Variants in TTYH2 observed in about 807,000 individuals in gnomAD.
TTYH2 encodes the protein tweety family member 2, also known as protein tweety homolog 2.
TTYH2 carries 49 observed loss-of-function variants against 68.3 expected under a neutral mutation model. The observed-to-expected ratio is 0.72, with a 90% CI of 0.57 to 0.91. The LOEUF is 0.91. Ranked by LOEUF, TTYH2 falls within the 40% of genes least tolerant of loss-of-function variation. TTYH2 has a pLI of 0.00. For missense variants in TTYH2, 631 were observed against 700.4 expected (o/e 0.90, Z 1.12); for synonymous variants, 272 against 300.8 (o/e 0.90, Z 0.99).
chr17:74,236,377 G>A (rs1441345209), intron 3 of TTYH2, among the ~76,000 whole-genome samples: 1 of 152,210 alleles, frequency 6.6e-6, no homozygotes, highest in Non-Finnish European at 1.5e-5. Flanking sequence ...GGGGATACAA[G>A]GTCAAGGTAG....
Position 74,232,721 on chromosome 17 carries a change from G to T in TTYH2, c.414+1722G>T, listed in dbSNP as rs529986326. ...ATCACTGGAGGAGGAACCTAGCCCC[G>T]AGAGGAAAATCCCCTGCCCTGCCCA... is the stretch of plus-strand genomic sequence containing the variant. On this transcript the variant is annotated intron_variant, in intron 3 of 13. Transcript: ENST00000269346. The surrounding 1 kb of genome is among the most constrained non-coding windows in gnomAD (Gnocchi z 5.1). Among the ~76,000 whole-genome samples, 26 of 152,282 alleles carry T rather than the reference G, an allele frequency of 1.7e-4. No individual in the cohort carries two copies. In the South Asian group the frequency reaches 5.4e-3, roughly 32 times the overall value.
At chr17:74,246,281 G>A (rs1030829635) in intron 6 of TTYH2, among the ~76,000 whole-genome samples, 2 of 152,090 alleles carry the variant, frequency 1.3e-5, no homozygotes, top group African/African-American at 4.8e-5. Context: ...CCCTGTCTGG[G>A]CCCACATCCT....
At chr17:74,248,687 G>C (rs769825519) in intron 6 of TTYH2, 2 of 1,220,972 alleles carry the variant, frequency 1.6e-6, no homozygotes, top group Non-Finnish European at 1.0e-6. Flanking sequence ...TGTCCCAGAA[G>C]AGGCATTCGG....
rs756488982 is a variant in TTYH2, at chr17:74,222,494, T to C, written c.139T>C (p.Phe47Leu). 57 of 1,609,886 alleles carry C rather than the reference T, an allele frequency of 3.5e-5. No individual in the cohort carries two copies. The East Asian group carries it at 1.2e-3, about 35-fold the overall frequency. ...CTCTGCTCTCTTCCAGTCGCTGCTG[T>C]TCCTGGGGCTGGTGGCCGCCGTCTG... ...GDESYQESLL[F>L]LGLVAAVCLG... The change falls in exon 2 of 14, where the codon TTC becomes CTC. Residue 47 changes from phenylalanine to leucine, a missense_variant. Phe to Leu is a conservative substitution (Grantham distance 22). Coordinates refer to ENST00000269346, the MANE Select transcript of TTYH2 (RefSeq NM_032646.6). This position sits in a 1 kb window ranked among gnomAD's most constrained non-coding sequence, Gnocchi z 5.2.
chr17:74,226,408 G>A (rs550148940), intron 2 of TTYH2, among the ~76,000 whole-genome samples: 4 of 152,272 alleles, frequency 2.6e-5, no homozygotes, highest in Admixed American at 1.3e-4. Context: ...ACTGGGCAGC[G>A]TGTTCCAGGA....
At chr17:74,242,649 T>C (rs2050513388) in intron 4 of TTYH2, among the ~76,000 whole-genome samples, 1 of 152,208 alleles carries the variant, frequency 6.6e-6, no homozygotes, top group African/African-American at 2.4e-5. Flanking sequence ...CGTCTTGGCC[T>C]CCCAAAGTGC....
chr17:74,229,990 G>C (rs546856959), intron 2 of TTYH2, among the ~76,000 whole-genome samples: 1 of 152,290 alleles, frequency 6.6e-6, no homozygotes, highest in African/African-American at 2.4e-5. Flanking sequence ...AATTAGCCAG[G>C]CGTGGTGGCG....
chr17:74,222,478 C>T lies in TTYH2; in HGVS notation c.130-7C>T, dbSNP rs745398228. ...AAGAGTGACAACAGGCCTCTGCTCT[C>T]TTCCAGTCGCTGCTGTTCCTGGGGC... On this transcript the variant is annotated splice_region_variant and splice_polypyrimidine_tract_variant and intron_variant, in intron 1 of 13. Coordinates refer to ENST00000269346, the MANE Select transcript of TTYH2 (RefSeq NM_032646.6). This position sits in a 1 kb window ranked among gnomAD's most constrained non-coding sequence, Gnocchi z 5.2. 1.2e-6 allele frequency: 2 copies of T among 1,606,556 alleles called. No homozygotes were observed. Among genetic ancestry groups the T allele is most frequent in the Admixed American group, 1.7e-5 (1 of 59,804 alleles).
At chr17:74,235,708 A>G (rs1309753724) in intron 3 of TTYH2, among the ~76,000 whole-genome samples, 1 of 152,054 alleles carries the variant, frequency 6.6e-6, no homozygotes, top group Non-Finnish European at 1.5e-5. Flanking sequence ...CCTGGCCAAC[A>G]TGGTGAAACT....
chr17:74,251,446 A>C (rs1436227208), intron 10 of TTYH2, among the ~76,000 whole-genome samples: 1 of 152,010 alleles, frequency 6.6e-6, no homozygotes, highest in African/African-American at 2.4e-5. Context: ...TTGGCACATC[A>C]GGGGCTTGGG....
chr17:74,249,572 G>A (rs918938244), intron 8 of TTYH2, among the ~76,000 whole-genome samples, 173 bp downstream of exon 8: 1 of 152,186 alleles, frequency 6.6e-6, no homozygotes, highest in African/African-American at 2.4e-5. Flanking sequence ...TTCTAGATTG[G>A]TGGTTAACAC....
rs117814823 is a variant in TTYH2 at position 74,224,441 on chromosome 17, C to T, written c.302+1784C>T. On this transcript the variant is annotated intron_variant, in intron 2 of 13. Transcript: ENST00000269346. ...ACATGCACACACACAGATACCCACA[C>T]GACAAACTTGTTTTGGAAGAATACT... Among the ~76,000 whole-genome samples, 53 of 152,210 alleles carry T rather than the reference C, an allele frequency of 3.5e-4. No homozygotes were observed. The East Asian group carries it at 9.3e-3, about 27-fold the overall frequency.
Position 74,213,802 on chromosome 17 carries a change from C to A in TTYH2, c.129+86C>A. The A allele has an allele frequency of 6.6e-7, 1 of 1,505,644 alleles. No individual in the cohort carries two copies. Among genetic ancestry groups the A allele is most frequent in the South Asian group, 1.2e-5 (1 of 81,450 alleles). The allele number at this position is 1,505,644 out of a possible 1,614,324, so 93.3% of individuals were successfully genotyped here. The stretch of plus-strand genomic sequence containing the variant: ...CTCCCCTCGAGAGCCTGCACTTTCC[C>A]ACGTGCCTCTCAGACCCCTTCTCTC... On this transcript the variant is annotated intron_variant, in intron 1 of 13. Transcript: ENST00000269346. The surrounding 1 kb of genome is among the most constrained non-coding windows in gnomAD (Gnocchi z 6.1).
intron 6 of TTYH2, 72 bp downstream of exon 6, chr17:74,244,121 G>A: frequency 6.8e-7 from 1 of 1,462,760 alleles, no homozygotes; most frequent in Non-Finnish European, 9.4e-7. Context: ...TCTCCAAGCA[G>A]GGCCAGCTTC....
At position 74,214,614 on chromosome 17, in the gene TTYH2, C is replaced by A. The variant is rs1285959436; in HGVS notation, c.129+898C>A. ...GGCTCCCCAGACCTCCCTGCCCAGA[C>A]AAACAAAGCTGCAGAATCTCCCAGC... On this transcript the variant is annotated intron_variant, in intron 1 of 13. Transcript: ENST00000269346. This position sits in a 1 kb window ranked among gnomAD's most constrained non-coding sequence, Gnocchi z 4.6. Among the ~76,000 whole-genome samples the A allele has an allele frequency of 6.6e-6, 1 of 152,208 alleles. No homozygotes were observed. Among genetic ancestry groups the A allele is most frequent in the East Asian group, 1.9e-4 (1 of 5,192 alleles).
chr17:74,260,275 C>T lies in TTYH2; in HGVS notation c.*66C>T, dbSNP rs534454677. ...TTTTAATTAGTGCAAATACAAGCTGCGTTTCTTTAATAGAAACCAAAGGCA... is the reference window on the plus strand; with the variant it reads ...TTTTAATTAGTGCAAATACAAGCTGTGTTTCTTTAATAGAAACCAAAGGCA... On this transcript the variant is annotated 3_prime_UTR_variant, in exon 14 of 14. Transcript: ENST00000269346. The T allele has an allele frequency of 2.9e-5, 44 of 1,534,020 alleles. No individual in the cohort carries two copies. The highest frequency in any genetic ancestry group is 2.2e-4 in the African/African-American group (16 of 73,354).
chr17:74,248,723 G>A, intron 6 of TTYH2: 1 of 1,342,490 alleles, frequency 7.4e-7, no homozygotes, highest in Non-Finnish European at 9.6e-7. Context: ...CATGCGCTCT[G>A]CCCCAGTCAC....
chr17:74,259,507 C>T (rs1156234721), intron 13 of TTYH2, among the ~76,000 whole-genome samples: 2 of 152,080 alleles, frequency 1.3e-5, no homozygotes, highest in Admixed American at 6.6e-5. Context: ...GAATCACCAC[C>T]GTTATGTGCA....
intron 1 of TTYH2, among the ~76,000 whole-genome samples, chr17:74,220,273 G>A (rs1203705380): frequency 6.6e-6 from 1 of 152,214 alleles, no homozygotes; most frequent in Non-Finnish European, 1.5e-5. Flanking sequence ...GTGTTGCAGG[G>A]CTCTGCTAAG....
Sources: gnomAD v4.1 joint callset for allele counts (sites outside exome capture counted in the v4.1 genomes callset) on GRCh38, gnomAD v4.1.1 for gene constraint, Gnocchi (gnomAD v3.1) non-coding constraint, MANE v1.5 for transcripts, NCBI Gene and HGNC (gene_info 2026-07-23, HGNC 2026-07-21) for gene names.